TP53BP2: variants seen among roughly 807,000 people sequenced by gnomAD.
TP53BP2 encodes the protein tumor protein p53 binding protein 2, also known as apoptosis-stimulating of p53 protein 2.
Under a neutral mutation model 126.2 loss-of-function variants are expected in TP53BP2, and 62 were observed. That is an observed-to-expected ratio of 0.49 (90% confidence interval 0.40 to 0.61). TP53BP2 has a LOEUF of 0.61. Among genes scored for constraint, TP53BP2 ranks in the 20% least tolerant of loss-of-function variants. The pLI, the probability that TP53BP2 is intolerant of heterozygous loss-of-function variation, is 0.00. For missense variants in TP53BP2, 1,215 were observed against 1,402.8 expected (o/e 0.87, Z 2.14); for synonymous variants, 485 against 502.9 (o/e 0.96, Z 0.48).
chr1:223,810,772 C>T (rs1053608265), intron 3 of TP53BP2, among the ~76,000 whole-genome samples: 1 of 152,194 alleles, frequency 6.6e-6, no homozygotes, highest in Non-Finnish European at 1.5e-5. Flanking sequence ...GTCTGATTCA[C>T]ATACCAAAGG....
chr1:223,795,303 A>C (rs1662278160), intron 13 of TP53BP2, among the ~76,000 whole-genome samples: 1 of 152,228 alleles, frequency 6.6e-6, no homozygotes, highest in South Asian at 2.1e-4. Flanking sequence ...CCCTCAGCCC[A>C]GTTACCCCTC....
chr1:223,795,780 C>T, intron 13 of TP53BP2, 35 bp downstream of exon 13: 1 of 1,412,338 alleles, frequency 7.1e-7, no homozygotes, highest in Non-Finnish European at 9.3e-7. Flanking sequence ...AAGTAAAGGA[C>T]TCCGGAAAAG....
rs529655061 is a variant in TP53BP2, at chr1:223,831,351, T to C, written c.28-9984A>G. ...AATTCAAGGTTATAGTGAGCTATGA[T>C]CATGCCACTACACTCCAGCTTGGGC... On this transcript the variant is annotated intron_variant, in intron 1 of 17. Coordinates refer to ENST00000343537, the MANE Select transcript of TP53BP2 (RefSeq NM_001031685.3). 8.3e-5 allele frequency among the ~76,000 whole-genome samples: 12 copies of C among 144,366 alleles called. No homozygotes were observed. In the South Asian group the frequency reaches 2.7e-3, roughly 32 times the overall value. 94.7% of individuals were successfully genotyped at this position (144,366 alleles called of 152,430 possible). A position where few individuals can be genotyped will look rare whatever the true frequency, so the allele number is the denominator to read the frequency against.
chr1:223,782,213 A>G (rs1040210777), intron 17 of TP53BP2, among the ~76,000 whole-genome samples: 1 of 152,242 alleles, frequency 6.6e-6, no homozygotes, highest in Non-Finnish European at 1.5e-5. Context: ...ACAAGTATAC[A>G]TATTTCAAAT....
intron 1 of TP53BP2, among the ~76,000 whole-genome samples, chr1:223,844,643 C>G (rs1453477020): frequency 6.6e-6 from 1 of 152,178 alleles, no homozygotes; most frequent in Non-Finnish European, 1.5e-5. Context: ...ATTACTAATT[C>G]TAGTGAATTG....
At chr1:223,821,587 C>T (rs1299311242) in intron 1 of TP53BP2, 9 of 702,808 alleles carry the variant, frequency 1.3e-5, no homozygotes, top group Non-Finnish European at 2.1e-5. Flanking sequence ...CCCTTGGTGA[C>T]CCTAGAATAC....
In TP53BP2 at chr1:223,845,675, C is replaced by A. The variant is rs747087088; in HGVS notation, c.6G>T (p.Arg2=). Residue 2 remains arginine (R), a synonymous_variant, in exon 1 of 18, where the codon CGG becomes CGT. Transcript: ENST00000343537. The part of the protein sequence containing the change: M[R]FGSKMMPMFL... ...TTACCGGCATCATCTTGGACCCGAA[C>A]CGCATGGAAGCGGGTGGCCAGACTG... 1 of 1,551,172 alleles carries A rather than the reference C, an allele frequency of 6.4e-7. No homozygotes were observed.
At chr1:223,798,714 T>C (rs1338251144) in intron 11 of TP53BP2, 37 bp from the exon 12 acceptor site, 1 of 1,460,822 alleles carries the variant, frequency 6.8e-7, no homozygotes, top group East Asian at 2.3e-5. Context: ...TAAAATACTA[T>C]ATAACTGGGT....
At chr1:223,839,180 A>C (rs998324237) in intron 1 of TP53BP2, among the ~76,000 whole-genome samples, 1 of 152,220 alleles carries the variant, frequency 6.6e-6, no homozygotes, top group Non-Finnish European at 1.5e-5. Context: ...TCTTGAACAG[A>C]GTATGTGTTT....
chr1:223,786,415 T>C (rs1295009833), intron 16 of TP53BP2, among the ~76,000 whole-genome samples: 1 of 151,988 alleles, frequency 6.6e-6, no homozygotes, highest in Non-Finnish European at 1.5e-5. Flanking sequence ...AAACAGCACA[T>C]CCTGGTATCT....
Position 223,841,248 on chromosome 1 carries a change from G to GAAATAAAT in TP53BP2, c.27+4398_27+4405dup, listed in dbSNP as rs150151337. On this transcript the variant is annotated intron_variant, in intron 1 of 17. Coordinates refer to ENST00000343537, the MANE Select transcript of TP53BP2 (RefSeq NM_001031685.3). The stretch of plus-strand genomic sequence containing the variant: ...ACAGAGTGGTGAGACTCCGTCTCAA[G>GAAATAAAT]AAATAAATAAATAAATAAATAAAAG... 7.6e-3 allele frequency among the ~76,000 whole-genome samples: 1,121 copies of GAAATAAAT among 146,996 alleles called. 12 individuals are homozygous for GAAATAAAT. Among genetic ancestry groups the GAAATAAAT allele is most frequent in the African/African-American group, 0.025 (960 of 37,884 alleles).
At chr1:223,792,674 T>A (rs1186778018) in intron 14 of TP53BP2, 152 bp from the exon 15 acceptor site, 2 of 635,452 alleles carry the variant, frequency 3.1e-6, no homozygotes, top group Non-Finnish European at 4.9e-6. Context: ...AAGAAAACTA[T>A]ACCAAGAACA....
intron 1 of TP53BP2, chr1:223,845,095 G>T: frequency 7.5e-6 from 2 of 266,710 alleles, no homozygotes; most frequent in Non-Finnish European, 1.2e-5. Flanking sequence ...AACGAAGGGA[G>T]CCAGGCACGT....
At chr1:223,814,180 C>A in intron 3 of TP53BP2, 60 bp downstream of exon 3, 1 of 1,277,128 alleles carries the variant, frequency 7.8e-7, no homozygotes, top group Non-Finnish European at 1.1e-6. Flanking sequence ...GTGCCACCTA[C>A]TACTCCCAGC....
intron 4 of TP53BP2, among the ~76,000 whole-genome samples, chr1:223,807,346 T>C (rs1471061825): frequency 1.3e-5 from 2 of 152,176 alleles, no homozygotes; most frequent in Non-Finnish European, 2.9e-5. Context: ...GGAATATCAT[T>C]TAAAAATACT....
In TP53BP2 at chr1:223,798,320, T is replaced by C. The variant is rs1244091320; in HGVS notation, c.1843A>G (p.Ile615Val). Reference sequence around the variant, plus strand: ...TGCTGTTGCGTATACATGGAATATATTGAACTTGCTGCCACGGTCTGGGGT... The same window carrying C: ...TGCTGTTGCGTATACATGGAATATACTGAACTTGCTGCCACGGTCTGGGGT... Reference protein sequence around the residue: ...RKPQTVAASSIYSMYTQQQAP... With the variant: ...RKPQTVAASSVYSMYTQQQAP... Residue 615 changes from isoleucine (I) to valine (V), a missense_variant, in exon 12 of 18, where the codon ATA (isoleucine) becomes GTA (valine). Physicochemically the swap from Ile to Val is conservative, Grantham distance 29 (BLOSUM62 3). Around this residue, in one of 4 missense-constraint regions of TP53BP2, gnomAD observed 814 missense variants for 853.0 expected, o/e 0.95. Coordinates refer to ENST00000343537, the MANE Select transcript of TP53BP2 (RefSeq NM_001031685.3). 2 of 1,614,074 alleles carry C rather than the reference T, an allele frequency of 1.2e-6. No individual in the cohort carries two copies. The highest frequency in any genetic ancestry group is 1.7e-6 in the Non-Finnish European group (2 of 1,180,042).
intron 6 of TP53BP2, among the ~76,000 whole-genome samples, chr1:223,803,860 G>GA (rs1355901170): frequency 1.3e-5 from 2 of 152,094 alleles, no homozygotes; most frequent in African/African-American, 2.4e-5. Flanking sequence ...ATATTAAGGG[G>GA]AAAAAATGCT....
At chr1:223,810,305 T>A (rs909108807) in intron 4 of TP53BP2, 126 bp downstream of exon 4, 1 of 604,074 alleles carries the variant, frequency 1.7e-6, no homozygotes, top group South Asian at 3.9e-5. Context: ...GAAACAAATT[T>A]AAAATAACCT....
intron 15 of TP53BP2, among the ~76,000 whole-genome samples, chr1:223,791,717 GAAAA>G (rs1050715714): frequency 8.6e-5 from 13 of 152,004 alleles, no homozygotes; most frequent in African/African-American, 2.9e-4. Context: ...ATCCTATAAA[GAAAA>G]AAGTCAATTG....
Sources: allele counts gnomAD v4.1 joint callset (sites outside exome capture counted in the v4.1 genomes callset), GRCh38; gene constraint gnomAD v4.1.1; regional missense constraint gnomAD v4.1.1; transcripts MANE v1.5; gene names NCBI Gene and HGNC (gene_info 2026-07-23, HGNC 2026-07-21).